Variants in DCDC2C observed in about 807,000 individuals in gnomAD.
DCDC2C encodes the protein doublecortin domain-containing protein 2C.
Under a neutral mutation model 45.0 loss-of-function variants are expected in DCDC2C, and 44 were observed. The observed-to-expected ratio is 0.98, with a 90% CI of 0.77 to 1.26. The LOEUF is 1.26. Ranked by LOEUF, DCDC2C falls within the 50% of genes most tolerant of loss-of-function variation. The pLI is 0.00. For missense variants in DCDC2C, 447 were observed against 468.9 expected (o/e 0.95, Z 0.43); for synonymous variants, 187 against 178.8 (o/e 1.05, Z -0.37).
chr2:3,733,074 C>A (rs776025455), intron 3 of DCDC2C, among the ~76,000 whole-genome samples: 1 of 152,156 alleles, frequency 6.6e-6, no homozygotes, highest in Non-Finnish European at 1.5e-5. Flanking sequence ...CAACTGATGT[C>A]GTGGAGGCAT....
chr2:3,733,500 T>A (rs958768613), intron 3 of DCDC2C, among the ~76,000 whole-genome samples: 4 of 152,202 alleles, frequency 2.6e-5, no homozygotes, highest in African/African-American at 9.7e-5. Context: ...CTGTTTGGGT[T>A]GTTATAACAA....
intron 10 of DCDC2C, among the ~76,000 whole-genome samples, chr2:3,801,858 G>T (rs1319744635): frequency 1.3e-5 from 2 of 152,224 alleles, no homozygotes; most frequent in African/African-American, 4.8e-5. Context: ...GGACTCCTGG[G>T]CTCCCAGCCC....
chr2:3,727,187 C>T (rs1453556637), intron 3 of DCDC2C, 108 bp downstream of exon 3: 21 of 840,606 alleles, frequency 2.5e-5, no homozygotes, highest in Admixed American at 4.3e-5. Flanking sequence ...TCCCTCCTCC[C>T]CTCCCCTCCC....
chr2:3,836,721 GCA>G (rs1400720648), intron 10 of DCDC2C, among the ~76,000 whole-genome samples: 8 of 152,136 alleles, frequency 5.3e-5, no homozygotes, highest in Admixed American at 2.6e-4. Flanking sequence ...AATTAGCCGG[GCA>G]CGGTGGCGGG....
chr2:3,747,646 G>C, intron 4 of DCDC2C, among the ~76,000 whole-genome samples: 1 of 152,200 alleles, frequency 6.6e-6, no homozygotes, highest in East Asian at 1.9e-4. Flanking sequence ...GCCTGACCTC[G>C]CCCATCTCGC....
At chr2:3,778,225 C>T (rs1309691557) in intron 8 of DCDC2C, among the ~76,000 whole-genome samples, 1 of 152,256 alleles carries the variant, frequency 6.6e-6, no homozygotes, top group Non-Finnish European at 1.5e-5. Context: ...AGCACGCATA[C>T]TTGGTTGGCG....
At chr2:3,756,134 G>A (rs1669709089) in intron 6 of DCDC2C, among the ~76,000 whole-genome samples, 1 of 152,046 alleles carries the variant, frequency 6.6e-6, no homozygotes, top group Non-Finnish European at 1.5e-5. Context: ...TAAAGCATGA[G>A]GAATAATGAC....
chr2:3,824,020 A>G (rs1397848200), intron 10 of DCDC2C, among the ~76,000 whole-genome samples: 1 of 152,258 alleles, frequency 6.6e-6, no homozygotes, highest in Non-Finnish European at 1.5e-5. Context: ...GGCATGTTCC[A>G]GTGAAATATT....
intron 10 of DCDC2C, among the ~76,000 whole-genome samples, chr2:3,797,939 C>T (rs554523386): frequency 1.9e-4 from 28 of 150,548 alleles, no homozygotes; most frequent in African/African-American, 6.3e-4. Flanking sequence ...GACTTTCTGT[C>T]TCATTGATCT....
intron 4 of DCDC2C, among the ~76,000 whole-genome samples, chr2:3,744,448 G>T (rs1217126561): frequency 3.3e-5 from 5 of 152,226 alleles, no homozygotes; most frequent in African/African-American, 1.2e-4. Flanking sequence ...ATGCTTCTGG[G>T]CACTAATGAG....
chr2:3,814,867 G>T (rs1671514151), intron 10 of DCDC2C, among the ~76,000 whole-genome samples: 1 of 152,262 alleles, frequency 6.6e-6, no homozygotes, highest in Admixed American at 6.5e-5. Flanking sequence ...GACAAGTCTT[G>T]GGACCAAGCA....
rs529554814 is a variant in DCDC2C, at chr2:3,773,185, CAGAG to C, written c.954+3778_954+3781del. On this transcript the variant is annotated intron_variant, in intron 8 of 10. Coordinates refer to ENST00000399143, the MANE Select transcript of DCDC2C (RefSeq NM_001287444.2). The stretch of plus-strand genomic sequence containing the variant: ...GAAGCTGTGGGGCGTGGCCGGCTGT[CAGAG>C]AGAAGGCGATTCACTGGTGGTTGTG... Among the ~76,000 whole-genome samples the C allele has an allele frequency of 4.8e-4, 73 of 152,250 alleles. No homozygotes were observed. The Middle Eastern group carries it at 0.01, about 21-fold the overall frequency.
intron 6 of DCDC2C, among the ~76,000 whole-genome samples, chr2:3,763,075 G>A (rs998988139): frequency 5.3e-5 from 8 of 152,128 alleles, no homozygotes; most frequent in African/African-American, 1.4e-4. Flanking sequence ...ATTCTCCTGA[G>A]AGAGCCCCTC....
At chr2:3,762,301 A>G (rs1045656284) in intron 6 of DCDC2C, among the ~76,000 whole-genome samples, 3 of 152,070 alleles carry the variant, frequency 2.0e-5, no homozygotes, top group African/African-American at 7.3e-5. Flanking sequence ...GTAAGTGGAA[A>G]ACCACAAGGC....
Position 3,741,996 on chromosome 2 carries a change from A to G in DCDC2C, c.493A>G (p.Ile165Val). The change falls in exon 4 of 11, where the codon ATC (isoleucine) becomes GTC (valine). Residue 165 changes from isoleucine to valine, a missense_variant. Coordinates refer to ENST00000399143, the MANE Select transcript of DCDC2C (RefSeq NM_001287444.2). The part of the protein sequence containing the change: ...IPKFSLSDWD[I>V]VLATIGEKVF... The stretch of plus-strand genomic sequence containing the variant: ...CAAATTTAGTCTGTCCGATTGGGAC[A>G]TCGTGCTGGCCACGATCGGAGAAAA... 6.5e-7 allele frequency: 1 copy of G among 1,548,938 alleles called. No individual in the cohort carries two copies. Among genetic ancestry groups the G allele is most frequent in the Non-Finnish European group, 8.7e-7 (1 of 1,146,398 alleles).
chr2:3,760,085 T>A (rs954415453), intron 6 of DCDC2C, among the ~76,000 whole-genome samples: 4 of 152,234 alleles, frequency 2.6e-5, no homozygotes, highest in African/African-American at 9.6e-5. Flanking sequence ...CCTCTTATTT[T>A]ACTCTTCCTG....
intron 4 of DCDC2C, among the ~76,000 whole-genome samples, chr2:3,744,097 G>A (rs951369692): frequency 1.3e-5 from 2 of 152,156 alleles, no homozygotes; most frequent in Admixed American, 1.3e-4. Flanking sequence ...GAGGATTGCC[G>A]AGCAGGGTTG....
At chr2:3,800,009 C>G (rs1195452263) in intron 10 of DCDC2C, among the ~76,000 whole-genome samples, 2 of 152,200 alleles carry the variant, frequency 1.3e-5, no homozygotes, top group African/African-American at 4.8e-5. Context: ...GCTGTGCTAG[C>G]AATCAGCAAG....
At chr2:3,745,388 G>A (rs1408968067) in intron 4 of DCDC2C, among the ~76,000 whole-genome samples, 2 of 152,240 alleles carry the variant, frequency 1.3e-5, no homozygotes, top group Non-Finnish European at 2.9e-5. Context: ...TATTTGAAGG[G>A]TAAAAAAGAC....
Sources: allele counts gnomAD v4.1 joint callset (sites outside exome capture counted in the v4.1 genomes callset), GRCh38; gene constraint gnomAD v4.1.1; transcripts MANE v1.5; gene names NCBI Gene and HGNC (gene_info 2026-07-23, HGNC 2026-07-21).